The following TCF3 variants were observed in gnomAD, a reference collection of about 807,000 sequenced individuals.
TCF3 encodes the protein transcription factor E2-alpha.
Under a neutral mutation model 72.3 loss-of-function variants are expected in TCF3, and 54 were observed. That is an observed-to-expected ratio of 0.75 (90% CI 0.60 to 0.94). TCF3 has a LOEUF of 0.94. Among genes scored for constraint, TCF3 ranks in the 40% least tolerant of loss-of-function variants. The pLI is 0.00. For missense variants in TCF3, 1,078 were observed against 934.4 expected (o/e 1.15, Z -2.00); for synonymous variants, 525 against 412.6 (o/e 1.27, Z -3.30).
intron 2 of TCF3, 34 bp from the exon 3 acceptor site, chr19:1,646,461 G>A (rs1443401234): frequency 7.8e-6 from 12 of 1,540,154 alleles, no homozygotes; most frequent in East Asian, 4.9e-5. Flanking sequence ...TGAGCGGGGC[G>A]GGTGGCAAAC....
chr19:1,619,365 G>T lies in TCF3; in HGVS notation c.1277C>A (p.Ala426Asp). ...HTLLPGHGAL[A>D]SGFTGPMSLG... ...TGACATGGGGCCGGTGAAACCTGAG[G>T]CCAGCGCCCCGTGGCCAGGCAGCAG... Residue 426 changes from alanine (A) to aspartate (D), a missense_variant, in exon 15 of 19, where the codon GCC becomes GAC. Coordinates refer to ENST00000262965, the MANE Select transcript of TCF3 (RefSeq NM_003200.5). 1 of 1,587,730 alleles carries T rather than the reference G, an allele frequency of 6.3e-7. No homozygotes were observed. The highest frequency in any genetic ancestry group is 8.5e-7 in the Non-Finnish European group (1 of 1,173,966).
Position 1,610,817 on chromosome 19 carries a change from G to C in TCF3, c.*890C>G, listed in dbSNP as rs937376951. The C allele has an allele frequency of 1.3e-5, 3 of 225,624 alleles. No homozygotes were observed. The highest frequency in any genetic ancestry group is 6.2e-5 in the East Asian group (1 of 16,008). 14.0% of individuals were successfully genotyped at this position (225,624 alleles called of 1,614,324 possible). ...GAAGCCCCAAGGTGCCTTCATCAGG[G>C]AACGCCCACGCATCACTTTCCACAT... On this transcript the variant is annotated 3_prime_UTR_variant, in exon 19 of 19. Transcript: ENST00000262965.
At chr19:1,629,751 C>T (rs960888357) in intron 5 of TCF3, among the ~76,000 whole-genome samples, 3 of 152,132 alleles carry the variant, frequency 2.0e-5, no homozygotes, top group Non-Finnish European at 4.4e-5. Context: ...CTGGGACGCG[C>T]GATCGAGTAA....
chr19:1,652,399 A>C lies in TCF3; in HGVS notation c.-139T>G, dbSNP rs2067272116. On this transcript the variant is annotated 5_prime_UTR_variant, in exon 1 of 19. Coordinates refer to ENST00000262965, the MANE Select transcript of TCF3 (RefSeq NM_003200.5). The stretch of plus-strand genomic sequence containing the variant: ...AAGGTGCGTCGCGGCCGGGCCCCCG[A>C]GGGTCGCGCGTGGGCGGCGGCGGCG... 7.3e-6 allele frequency: 1 copy of C among 136,480 alleles called. No individual in the cohort carries two copies. The highest frequency in any genetic ancestry group is 2.3e-4 in the South Asian group (1 of 4,322). 8.5% of individuals were successfully genotyped at this position (136,480 alleles called of 1,614,324 possible). A position where few individuals can be genotyped will look rare whatever the true frequency, so the allele number is the denominator to read the frequency against.
At chr19:1,646,738 G>T (rs957164640) in intron 2 of TCF3, among the ~76,000 whole-genome samples, 1 of 152,334 alleles carries the variant, frequency 6.6e-6, no homozygotes, top group East Asian at 1.9e-4. Flanking sequence ...CTTTGCTCTG[G>T]GGGGAGGGGT....
intron 3 of TCF3, among the ~76,000 whole-genome samples, chr19:1,632,906 T>A (rs1227996910): frequency 6.6e-6 from 1 of 152,138 alleles, no homozygotes; most frequent in Non-Finnish European, 1.5e-5. Context: ...CCTGCCAGTG[T>A]GGGAAGTGGG....
chr19:1,632,134 G>C lies in TCF3; in HGVS notation c.220-18C>G. On this transcript the variant is annotated intron_variant, in intron 4 of 18. Coordinates refer to ENST00000262965, the MANE Select transcript of TCF3 (RefSeq NM_003200.5). ...CTGAAGGTCTAGGGGAGATGGGGTG[G>C]GGATGAGAGGTGCTGGGGCTTCACA... 6.2e-7 allele frequency: 1 copy of C among 1,610,636 alleles called. No individual in the cohort carries two copies. Among genetic ancestry groups the C allele is most frequent in the Non-Finnish European group, 8.5e-7 (1 of 1,178,622 alleles).
Position 1,637,530 on chromosome 19 carries a change from T to G in TCF3, c.146-5125A>C, listed in dbSNP as rs557754694. ...GACCACAGAGATAACCGAGACCCCA[T>G]CCCGCTCTTGCTTCCATGTCTATGG... is the stretch of plus-strand genomic sequence containing the variant. On this transcript the variant is annotated intron_variant, in intron 3 of 18. Coordinates refer to ENST00000262965, the MANE Select transcript of TCF3 (RefSeq NM_003200.5). Among the ~76,000 whole-genome samples, 12 of 152,072 alleles carry G rather than the reference T, an allele frequency of 7.9e-5. No homozygotes were observed. The East Asian group carries it at 2.3e-3, about 29-fold the overall frequency.
Position 1,615,472 on chromosome 19 carries a change from C to T in TCF3, c.1635G>A (p.Glu545=), listed in dbSNP as rs1162688998. 2 of 1,612,074 alleles carry T rather than the reference C, an allele frequency of 1.2e-6. No homozygotes were observed. Among genetic ancestry groups the T allele is most frequent in the Non-Finnish European group, 8.5e-7 (1 of 1,179,948 alleles). Residue 545 remains glutamate, a synonymous_variant, in exon 18 of 19, where the codon GAG becomes GAA. Coordinates refer to ENST00000262965, the MANE Select transcript of TCF3 (RefSeq NM_003200.5). This position sits in a 1 kb window ranked among gnomAD's most constrained non-coding sequence, Gnocchi z 7.3. The stretch of plus-strand genomic sequence containing the variant: ...TGGCCACCCGGCGCTCCTTCTCCCG[C>T]TCGGCCTTCTGCTCTGGGGGGAGAA... ...DDLLPPEQKA[E]REKERRVANN...
At chr19:1,641,357 A>AT (rs1485791655) in intron 3 of TCF3, among the ~76,000 whole-genome samples, 1 of 152,086 alleles carries the variant, frequency 6.6e-6, no homozygotes, top group Non-Finnish European at 1.5e-5. Flanking sequence ...TGGCTCACAC[A>AT]TGTAATCACA....
intron 18 of TCF3, chr19:1,612,495 TG>T: frequency 7.7e-7 from 1 of 1,303,960 alleles, no homozygotes; most frequent in Non-Finnish European, 1.1e-6. Context: ...AGGGCAGGGC[TG>T]GGTTGTGGAG....
chr19:1,619,232 A>G lies in TCF3; in HGVS notation c.1329T>C (p.Val443=). The change falls in exon 16 of 19, where the codon GTT becomes GTC. Residue 443 remains valine (V), a splice_region_variant and synonymous_variant. Coordinates refer to ENST00000262965, the MANE Select transcript of TCF3 (RefSeq NM_003200.5). ...MSLGGRHAGL[V]GGSHPEDGLA... is the part of the protein sequence containing the mutation. ...GGCCGTCCTCGGGGTGGCTGCCTCC[A>G]ACCTGCAGGCGTGGGGAGACGGGTG... 6.3e-7 allele frequency: 1 copy of G among 1,594,002 alleles called. No individual in the cohort carries two copies. The highest frequency in any genetic ancestry group is 8.5e-7 in the Non-Finnish European group (1 of 1,176,908).
At chr19:1,624,422 C>T (rs1001782599) in intron 7 of TCF3, among the ~76,000 whole-genome samples, 4 of 152,196 alleles carry the variant, frequency 2.6e-5, no homozygotes, top group Admixed American at 2.6e-4. Flanking sequence ...GCAGCAACAA[C>T]AACAAAAAGC....
Position 1,609,526 on chromosome 19 carries a change from G to A in TCF3, c.*2181C>T, listed in dbSNP as rs770886833. On this transcript the variant is annotated 3_prime_UTR_variant, in exon 19 of 19. Transcript: ENST00000262965. ...GGAACTGCTGTTTCTTCCTCCTCGCGCTGGGTGAATCTCGTTTGAATTCTA... is the reference window on the plus strand; with the variant it reads ...GGAACTGCTGTTTCTTCCTCCTCGCACTGGGTGAATCTCGTTTGAATTCTA... 4.6e-6 allele frequency: 1 copy of A among 218,440 alleles called. No homozygotes were observed. The highest frequency in any genetic ancestry group is 2.3e-5 in the African/African-American group (1 of 44,104). The allele number at this position is 218,440 out of a possible 1,614,324, so 13.5% of individuals were successfully genotyped here. A position where few individuals can be genotyped will look rare whatever the true frequency, so the allele number is the denominator to read the frequency against.
At chr19:1,636,580 G>A (rs574425804) in intron 3 of TCF3, among the ~76,000 whole-genome samples, 5 of 152,316 alleles carry the variant, frequency 3.3e-5, no homozygotes, top group East Asian at 1.9e-4. Flanking sequence ...GGTCACAGGC[G>A]TGCACAGCCT....
chr19:1,611,618 T>A lies in TCF3; in HGVS notation c.*89A>T. The A allele has an allele frequency of 6.6e-7, 1 of 1,510,188 alleles. No homozygotes were observed. The highest frequency in any genetic ancestry group is 1.3e-5 in the South Asian group (1 of 78,094). 93.5% of individuals were successfully genotyped at this position (1,510,188 alleles called of 1,614,324 possible). A position where few individuals can be genotyped will look rare whatever the true frequency, so the allele number is the denominator to read the frequency against. On this transcript the variant is annotated 3_prime_UTR_variant, in exon 19 of 19. Transcript: ENST00000262965. ...TGACAACAGGTGTGTGAGGTGTGGA[T>A]GTGGATGAAGCCCGGGGTCTCGAGT...
intron 5 of TCF3, among the ~76,000 whole-genome samples, chr19:1,628,932 G>A (rs868299184): frequency 5.6e-4 from 11 of 19,792 alleles, no homozygotes; most frequent in East Asian, 1.9e-3. Context: ...GGACAGCAGA[G>A]CTCACGGGGT....
chr19:1,616,540 C>G (rs972257121), intron 16 of TCF3: 1 of 152,072 alleles, frequency 6.6e-6, no homozygotes, highest in African/African-American at 2.4e-5. Context: ...TGTGCAGATG[C>G]TATGCTAATC....
At chr19:1,613,584 G>A (rs541290153) in intron 18 of TCF3, among the ~76,000 whole-genome samples, 1 of 152,304 alleles carries the variant, frequency 6.6e-6, no homozygotes, top group East Asian at 1.9e-4. Context: ...CAGACTCACT[G>A]TGGACAGAGG....
Sources: gnomAD v4.1 joint callset for allele counts (sites outside exome capture counted in the v4.1 genomes callset) on GRCh38, gnomAD v4.1.1 for gene constraint, Gnocchi (gnomAD v3.1) non-coding constraint, MANE v1.5 for transcripts, NCBI Gene and HGNC (gene_info 2026-07-23, HGNC 2026-07-21) for gene names.